KCNMB2: variants seen among roughly 807,000 people sequenced by gnomAD.
The protein encoded by KCNMB2 is calcium-activated potassium channel subunit beta-2.
A neutral mutation model predicts 24.5 loss-of-function variants in KCNMB2; 9 were observed. That is an observed-to-expected ratio of 0.37 (90% CI 0.22 to 0.64). The LOEUF (loss-of-function observed/expected upper bound fraction) is 0.64. KCNMB2 is among the 30% of genes least tolerant of loss of function. KCNMB2 has a pLI of 0.63. For synonymous variants in KCNMB2, 109 were observed against 104.4 expected (o/e 1.04, Z -0.27); for missense variants, 226 against 284.3 (o/e 0.79, Z 1.47).
intron 1 of KCNMB2, among the ~76,000 whole-genome samples, chr3:178,580,770 G>T (rs1267154174): frequency 1.3e-5 from 2 of 152,120 alleles, no homozygotes; most frequent in Admixed American, 1.3e-4. Context: ...ATTCACAATT[G>T]CTACAAAGAG....
chr3:178,683,870 G>T (rs1335066940), intron 1 of KCNMB2, among the ~76,000 whole-genome samples: 1 of 152,162 alleles, frequency 6.6e-6, no homozygotes, highest in Non-Finnish European at 1.5e-5. Context: ...AATGTAGATA[G>T]GTGCAGCCAT....
intron 1 of KCNMB2, among the ~76,000 whole-genome samples, chr3:178,702,616 C>CTACACA (rs1722141402): frequency 6.6e-6 from 1 of 152,128 alleles, no homozygotes; most frequent in Non-Finnish European, 1.5e-5. Context: ...ATGCCACTTA[C>CTACACA]ATTCTATGTA....
At chr3:178,709,224 C>T (rs1427017267) in intron 1 of KCNMB2, among the ~76,000 whole-genome samples, 1 of 152,138 alleles carries the variant, frequency 6.6e-6, no homozygotes, top group Non-Finnish European at 1.5e-5. Flanking sequence ...GGAGGATTAA[C>T]ATCTGCTATG....
chr3:178,569,294 C>T (rs1716682333), intron 1 of KCNMB2, among the ~76,000 whole-genome samples: 1 of 152,080 alleles, frequency 6.6e-6, no homozygotes, highest in Non-Finnish European at 1.5e-5. Flanking sequence ...ATCTGATTGG[C>T]CCCACACGAT....
chr3:178,781,844 G>C (rs937251572), intron 1 of KCNMB2, among the ~76,000 whole-genome samples: 4 of 149,634 alleles, frequency 2.7e-5, no homozygotes, highest in African/African-American at 5.0e-5. Context: ...CATAGTGCAG[G>C]TTAGTTACAT....
intron 1 of KCNMB2, among the ~76,000 whole-genome samples, chr3:178,670,891 G>A (rs527939555): frequency 6.6e-6 from 1 of 152,240 alleles, no homozygotes; most frequent in African/African-American, 2.4e-5. Context: ...CACTTCAGAT[G>A]TTTTTCTGAT....
chr3:178,543,208 A>G (rs900470138), intron 1 of KCNMB2, among the ~76,000 whole-genome samples: 5 of 152,222 alleles, frequency 3.3e-5, no homozygotes, highest in Admixed American at 2.6e-4. Flanking sequence ...CCTGAAATGT[A>G]TGACATTTGC....
In KCNMB2 at chr3:178,685,688, G is replaced by A. The variant is rs138664567; in HGVS notation, c.-67-121655G>A. ...TTAGGAAATTATTAAGTCCAAACCTGAGCAGTTGTTATTTCCTCACCACGA... is the reference window on the plus strand; with the variant it reads ...TTAGGAAATTATTAAGTCCAAACCTAAGCAGTTGTTATTTCCTCACCACGA... On this transcript the variant is annotated intron_variant, in intron 1 of 4. Coordinates refer to ENST00000452583, the MANE Select transcript of KCNMB2 (RefSeq NM_181361.3). Among the ~76,000 whole-genome samples, 19 of 152,322 alleles carry A rather than the reference G, an allele frequency of 1.2e-4. No homozygotes were observed. In the East Asian group the frequency reaches 2.7e-3, roughly 22 times the overall value.
intron 1 of KCNMB2, among the ~76,000 whole-genome samples, chr3:178,760,331 T>G (rs1226638103): frequency 1.7e-5 from 2 of 119,188 alleles, no homozygotes; most frequent in Admixed American, 9.6e-5. Flanking sequence ...TATATATAGA[T>G]ATATATCTCC....
At chr3:178,558,814 C>T (rs1007319997) in intron 1 of KCNMB2, 3 of 152,186 alleles carry the variant, frequency 2.0e-5, no homozygotes, top group African/African-American at 7.2e-5. Flanking sequence ...GGGCACTGCA[C>T]CTTGGTATAA....
chr3:178,662,448 T>A (rs896374045), intron 1 of KCNMB2, among the ~76,000 whole-genome samples: 1 of 152,150 alleles, frequency 6.6e-6, no homozygotes, highest in Non-Finnish European at 1.5e-5. Flanking sequence ...ATACAGATCA[T>A]TTTGGGTTAT....
At chr3:178,581,048 C>A (rs1717182527) in intron 1 of KCNMB2, among the ~76,000 whole-genome samples, 2 of 152,096 alleles carry the variant, frequency 1.3e-5, no homozygotes, top group Admixed American at 1.3e-4. Flanking sequence ...AAAAAAGAGC[C>A]CGTATAGCCA....
intron 1 of KCNMB2, among the ~76,000 whole-genome samples, chr3:178,644,381 C>T (rs1719838069): frequency 6.6e-6 from 1 of 152,162 alleles, no homozygotes; most frequent in Non-Finnish European, 1.5e-5. Context: ...CACAGGGCTG[C>T]TGATTTTCAA....
chr3:178,766,345 C>A (rs1712120370), intron 1 of KCNMB2, among the ~76,000 whole-genome samples: 1 of 152,000 alleles, frequency 6.6e-6, no homozygotes, highest in Non-Finnish European at 1.5e-5. Context: ...AGGTGTATAC[C>A]ACTACACCTG....
chr3:178,736,393 A>T (rs565587013), intron 1 of KCNMB2, among the ~76,000 whole-genome samples: 1 of 152,326 alleles, frequency 6.6e-6, no homozygotes, highest in Admixed American at 6.5e-5. Flanking sequence ...GTTTTGCTAG[A>T]CTGAGACTCC....
At chr3:178,659,668 A>AT (rs1451638284) in intron 1 of KCNMB2, among the ~76,000 whole-genome samples, 1 of 152,210 alleles carries the variant, frequency 6.6e-6, no homozygotes, top group Non-Finnish European at 1.5e-5. Flanking sequence ...AGCCTCTGAT[A>AT]TATAATGCAA....
chr3:178,698,032 C>A (rs74570501), intron 1 of KCNMB2, among the ~76,000 whole-genome samples: 4,844 of 152,196 alleles, frequency 0.032, 197 homozygotes, highest in East Asian at 0.17. Context: ...CTGCCTTTAA[C>A]ATCTTTTCTT....
chr3:178,779,521 T>C (rs1712735885), intron 1 of KCNMB2, among the ~76,000 whole-genome samples: 1 of 152,210 alleles, frequency 6.6e-6, no homozygotes, highest in Non-Finnish European at 1.5e-5. Flanking sequence ...AGTCAATATG[T>C]CCTTTAAGTT....
At chr3:178,819,077 T>A (rs1714520758) in intron 2 of KCNMB2, among the ~76,000 whole-genome samples, 1 of 152,222 alleles carries the variant, frequency 6.6e-6, no homozygotes, top group Non-Finnish European at 1.5e-5. Context: ...CCTGGGCCAA[T>A]TTAATCCATA....
Sources: gnomAD v4.1 joint callset for allele counts (sites outside exome capture counted in the v4.1 genomes callset) on GRCh38, gnomAD v4.1.1 for gene constraint, MANE v1.5 for transcripts, NCBI Gene and HGNC (gene_info 2026-07-23, HGNC 2026-07-21) for gene names.